SP140: variants seen among roughly 807,000 people sequenced by gnomAD.
The protein encoded by SP140 is nuclear body protein SP140.
Under a neutral mutation model 125.0 loss-of-function variants are expected in SP140, and 81 were observed. That is an observed-to-expected ratio of 0.65 (90% CI 0.54 to 0.78). The LOEUF (loss-of-function observed/expected upper bound fraction) is 0.78, where lower values mean the gene tolerates loss of function less well. SP140 is among the 30% of genes least tolerant of loss of function. SP140 has a pLI of 0.00. For missense variants in SP140, 858 were observed against 1,037.0 expected, an observed-to-expected ratio of 0.83 and a Z score of 2.37; for synonymous variants, 312 against 354.0, an observed-to-expected ratio of 0.88 and a Z score of 1.33.
chr2:230,261,592 T>C (rs1201666404), intron 12 of SP140, among the ~76,000 whole-genome samples: 1 of 152,190 alleles, frequency 6.6e-6, no homozygotes, highest in Non-Finnish European at 1.5e-5. Flanking sequence ...TATGGGTTTG[T>C]CATAGGTGGC....
chr2:230,295,884 T>C (rs1328732443), intron 21 of SP140, among the ~76,000 whole-genome samples: 1 of 152,158 alleles, frequency 6.6e-6, no homozygotes, highest in Non-Finnish European at 1.5e-5. Context: ...ATTCACCCAC[T>C]CAACATATAA....
Position 230,294,317 on chromosome 2 carries a change from AG to A in SP140, c.2016+1del. 1 of 1,608,786 alleles carries A rather than the reference AG, an allele frequency of 6.2e-7. No individual in the cohort carries two copies. Among genetic ancestry groups the A allele is most frequent in the Non-Finnish European group, 8.5e-7 (1 of 1,175,150 alleles). On this transcript the variant is annotated frameshift_variant and splice_region_variant, in exon 21 of 27. Transcript: ENST00000392045. LOFTEE classifies it high-confidence loss of function. ...CCAAGAATACGTTACAGGAAAAAAAAGGTGATTATTACATAGCTTTATACAG... is the reference window on the plus strand; with the variant it reads ...CCAAGAATACGTTACAGGAAAAAAAAGTGATTATTACATAGCTTTATACAG... ...DPPRIRYRKK[K>X]RILKSQNNSS... is the part of the protein sequence containing the mutation.
chr2:230,310,627 C>A, intron 23 of SP140, 116 bp from the exon 24 acceptor site: 2 of 1,575,258 alleles, frequency 1.3e-6, no homozygotes, highest in Non-Finnish European at 1.7e-6. Context: ...GAGGTGTTCC[C>A]CTCCCTCCCA....
At chr2:230,288,387 G>T (rs2056666368) in intron 18 of SP140, among the ~76,000 whole-genome samples, 1 of 152,176 alleles carries the variant, frequency 6.6e-6, no homozygotes, top group South Asian at 2.1e-4. Context: ...GTGGGCTTAG[G>T]CTGATCATTT....
Position 230,250,889 on chromosome 2 carries a change from G to A in SP140, c.977-92G>A, listed in dbSNP as rs553659829. The A allele has an allele frequency of 3.5e-6, 5 of 1,438,400 alleles. No individual in the cohort carries two copies. The African/African-American group carries it at 5.6e-5, about 16-fold the overall frequency. 89.1% of individuals were successfully genotyped at this position (1,438,400 alleles called of 1,614,324 possible). On this transcript the variant is annotated intron_variant, in intron 9 of 26. Transcript: ENST00000392045. ...TACAGGCCAGGAGGGCCTGGGTGAT[G>A]GACAGCCCCACCTAGGAGATACTTC...
At chr2:230,222,919 T>C (rs1292349568), upstream of SP140, among the ~76,000 whole-genome samples, 3 of 151,306 alleles carry the variant, frequency 2.0e-5, no homozygotes, top group Admixed American at 2.0e-4. Context: ...CTCATCATCA[T>C]GCTTTTGAGA....
intron 12 of SP140, among the ~76,000 whole-genome samples, 184 bp from the exon 13 acceptor site, chr2:230,269,348 G>A (rs2053586653): frequency 6.7e-6 from 1 of 148,274 alleles, no homozygotes; most frequent in Non-Finnish European, 1.5e-5. Flanking sequence ...AGGATGAGGT[G>A]CATAACATGG....
rs1474254745 is a variant in SP140 at position 230,229,452 on chromosome 2, A to C, written c.59+3549A>C. 4.1e-5 allele frequency among the ~76,000 whole-genome samples: 6 copies of C among 145,058 alleles called. No homozygotes were observed. In the East Asian group the frequency reaches 1.2e-3, roughly 29 times the overall value. On this transcript the variant is annotated intron_variant, in intron 1 of 26. Transcript: ENST00000392045. ...CATCATTTTTCCCTTTGCATGAAGA[A>C]ATTCTTTTTTTTTTTTTTTTTTTTT...
intron 3 of SP140, among the ~76,000 whole-genome samples, chr2:230,240,302 G>T (rs2048547599): frequency 6.6e-6 from 1 of 152,032 alleles, no homozygotes; most frequent in South Asian, 2.1e-4. Flanking sequence ...GATCATAAAA[G>T]AAAAACTTGG....
chr2:230,211,355 C>A lies in SP140; in HGVS notation c.-322-2299C>A. On this transcript the variant is annotated intron_variant, in intron 1 of 4. Transcript: ENST00000456542. The surrounding 1 kb of genome is among the most constrained non-coding windows in gnomAD (Gnocchi z 4.2). Reference sequence around the variant, plus strand: ...AGTGCTGGGTGAACTGGAAGCTGGGCCAAGATTGCTGAGAGGCAGGAGGAG... The same window carrying A: ...AGTGCTGGGTGAACTGGAAGCTGGGACAAGATTGCTGAGAGGCAGGAGGAG... The A allele has an allele frequency of 1.3e-6, 1 of 768,198 alleles. No homozygotes were observed. Among genetic ancestry groups the A allele is most frequent in the Admixed American group, 1.9e-5 (1 of 53,648 alleles). The allele number at this position is 768,198 out of a possible 1,614,324, so 47.6% of individuals were successfully genotyped here.
chr2:230,305,078 A>T (rs565246787), intron 22 of SP140, among the ~76,000 whole-genome samples: 2 of 152,244 alleles, frequency 1.3e-5, no homozygotes, highest in African/African-American at 4.8e-5. Flanking sequence ...AAATAATCCC[A>T]TCAAAAAGTG....
intron 20 of SP140, among the ~76,000 whole-genome samples, chr2:230,293,493 T>A (rs995662043): frequency 1.3e-5 from 2 of 152,126 alleles, no homozygotes; most frequent in African/African-American, 4.8e-5. Flanking sequence ...TGCACCACCA[T>A]GCCAGGCTAA....
Position 230,310,005 on chromosome 2 carries a change from G to A in SP140, c.2140G>A (p.Glu714Lys), listed in dbSNP as rs753940650. Residue 714 changes from glutamate to lysine, a missense_variant, in exon 23 of 27, where the codon GAG becomes AAG. By Grantham distance (56) the Glu-to-Lys change is moderately conservative (BLOSUM62 1). Transcript: ENST00000392045. ...CGACACTTGTTCAAGAGTCTTCCAT[G>A]AGGACTGTCACATCCCGCCTGTGGA... ...CCDTCSRVFHEDCHIPPVEAE... is the reference protein window; with the variant it reads ...CCDTCSRVFHKDCHIPPVEAE... 21 of 1,614,194 alleles carry A rather than the reference G, an allele frequency of 1.3e-5. No homozygotes were observed. The South Asian group carries it at 2.2e-4, about 17-fold the overall frequency.
At chr2:230,202,736 A>C, upstream of SP140, 1 of 1,614,068 alleles carries the variant, frequency 6.2e-7, no homozygotes, top group Non-Finnish European at 8.5e-7. Flanking sequence ...TCCCTGGACC[A>C]AATAATGACT....
intron 1 of SP140, among the ~76,000 whole-genome samples, chr2:230,208,837 T>C (rs560119951): frequency 5.9e-5 from 9 of 151,866 alleles, no homozygotes; most frequent in Non-Finnish European, 1.0e-4. Flanking sequence ...TGCCAGAGAG[T>C]TCTAGGAAAA....
Position 230,243,712 on chromosome 2 carries a change from A to T in SP140, c.491-19A>T, listed in dbSNP as rs1264650036. 1 of 1,589,520 alleles carries T rather than the reference A, an allele frequency of 6.3e-7. No homozygotes were observed. The highest frequency in any genetic ancestry group is 1.7e-5 in the Admixed American group (1 of 59,846). On this transcript the variant is annotated intron_variant, in intron 4 of 26. Coordinates refer to ENST00000392045, the MANE Select transcript of SP140 (RefSeq NM_007237.5). ...GACCATAAATCAAGACATCTAAGGGATTTCATTCCTTTCGGCAGAGAACAG... is the reference window on the plus strand; with the variant it reads ...GACCATAAATCAAGACATCTAAGGGTTTTCATTCCTTTCGGCAGAGAACAG...
At chr2:230,226,936 G>T (rs2046513392) in intron 1 of SP140, among the ~76,000 whole-genome samples, 1 of 152,028 alleles carries the variant, frequency 6.6e-6, no homozygotes, top group South Asian at 2.1e-4. Context: ...ATAACTATTT[G>T]TATAGCATTT....
chr2:230,273,489 C>T (rs145481019), intron 15 of SP140, among the ~76,000 whole-genome samples: 11 of 152,310 alleles, frequency 7.2e-5, no homozygotes, highest in African/African-American at 2.6e-4. Flanking sequence ...CTTATACACA[C>T]TGTTGCTGGG....
chr2:230,243,676 G>A, intron 4 of SP140, 55 bp from the exon 5 acceptor site: 1 of 1,362,164 alleles, frequency 7.3e-7, no homozygotes, highest in Non-Finnish European at 1.0e-6. Context: ...TTCTTGTTTT[G>A]ATGGCTTTTT....
Sources: allele counts gnomAD v4.1 joint callset (sites outside exome capture counted in the v4.1 genomes callset), GRCh38; gene constraint gnomAD v4.1.1; non-coding constraint Gnocchi (gnomAD v3.1); transcripts MANE v1.5; gene names NCBI Gene and HGNC (gene_info 2026-07-23, HGNC 2026-07-21).